SEMA6A: variants seen among roughly 807,000 people sequenced by gnomAD.
The protein encoded by SEMA6A is semaphorin 6A.
In SEMA6A, 25 loss-of-function variants were observed where a neutral mutation model predicts 96.8. That is an observed-to-expected ratio of 0.26 (90% CI 0.19 to 0.36). The LOEUF (loss-of-function observed/expected upper bound fraction) is 0.36, where lower values mean the gene tolerates loss of function less well. Ranked by LOEUF, SEMA6A falls within the 10% of genes least tolerant of loss-of-function variation. The probability of loss-of-function intolerance (pLI) is 1.00; values close to 1 mark genes in which losing one functional copy is unlikely to be tolerated. For synonymous variants in SEMA6A, 612 were observed against 518.0 expected, an observed-to-expected ratio of 1.18 and a Z score of -2.46; for missense variants, 1,363 against 1,323.1, an observed-to-expected ratio of 1.03 and a Z score of -0.47.
intron 18 of SEMA6A, among the ~76,000 whole-genome samples, chr5:116,448,952 T>G (rs1422729395): frequency 6.6e-6 from 1 of 152,150 alleles, no homozygotes; most frequent in Non-Finnish European, 1.5e-5. Context: ...TCAGCAGAGC[T>G]AATCTCTTCA....
Position 116,447,787 on chromosome 5 carries a change from T to G in SEMA6A, c.1919A>C (p.Lys640Thr). ...GACGGGAACCAGCTGGTCGTGGCCT[T>G]TGAGGTAACTTTCCCGAATCACTCC... The part of the protein sequence containing the change: ...KKGVIRESYL[K>T]GHDQLVPVTL... The change falls in exon 19 of 19, where the codon AAA becomes ACA. Residue 640 changes from lysine (K) to threonine (T), a missense_variant. By Grantham distance (78) the Lys-to-Thr change is moderately conservative. Transcript: ENST00000343348. 1.9e-6 allele frequency: 3 copies of G among 1,601,734 alleles called. No homozygotes were observed. Among genetic ancestry groups the G allele is most frequent in the South Asian group, 1.1e-5 (1 of 90,326 alleles).
chr5:116,473,648 C>CTCAGCCTCTAACACTGGCTCTTTG (rs1756289391), intron 16 of SEMA6A, among the ~76,000 whole-genome samples: 1 of 152,210 alleles, frequency 6.6e-6, no homozygotes, highest in Non-Finnish European at 1.5e-5. Flanking sequence ...CTCTGGTTCA[C>CTCAGCCTCTAACACTGGCTCTTTG]TCAGCCTCTA....
chr5:116,497,764 A>C (rs572845397), intron 3 of SEMA6A, among the ~76,000 whole-genome samples: 1 of 152,282 alleles, frequency 6.6e-6, no homozygotes, highest in South Asian at 2.1e-4. Flanking sequence ...ACACGTACCA[A>C]ATACTTGGTA....
chr5:116,505,076 AG>A (rs1317313808), intron 1 of SEMA6A, 94 bp from the exon 2 acceptor site: 17 of 622,938 alleles, frequency 2.7e-5, no homozygotes, highest in African/African-American at 2.4e-4. Context: ...AGAGAAAAAA[AG>A]GCTTCTGCTT....
At chr5:116,563,585 T>C (rs1760904552) in intron 1 of SEMA6A, among the ~76,000 whole-genome samples, 1 of 151,512 alleles carries the variant, frequency 6.6e-6, no homozygotes, top group South Asian at 2.1e-4. Context: ...CCACATTGTA[T>C]TTGACTGACA....
chr5:116,514,429 G>T (rs1318803357), intron 1 of SEMA6A, among the ~76,000 whole-genome samples: 1 of 152,168 alleles, frequency 6.6e-6, no homozygotes, highest in Non-Finnish European at 1.5e-5. Context: ...TCTTTGAGAA[G>T]TGTCTGTTCA....
intron 1 of SEMA6A, among the ~76,000 whole-genome samples, chr5:116,569,920 G>A (rs1337314521): frequency 6.6e-6 from 1 of 152,192 alleles, no homozygotes; most frequent in Non-Finnish European, 1.5e-5. Context: ...TTATTTGTGA[G>A]GTCCAGGAGA....
chr5:116,487,041 TTGA>T, intron 9 of SEMA6A, 75 bp from the exon 10 acceptor site: 1 of 1,040,622 alleles, frequency 9.6e-7, no homozygotes, highest in Non-Finnish European at 1.5e-6. Context: ...TCTGCATTCC[TTGA>T]AAACAGAAAC....
At chr5:116,494,876 A>G (rs1345778419) in intron 6 of SEMA6A, among the ~76,000 whole-genome samples, 1 of 152,180 alleles carries the variant, frequency 6.6e-6, no homozygotes. Context: ...AAAACCAGCT[A>G]GATTTACTAA....
chr5:116,540,681 T>C (rs1045774433), intron 1 of SEMA6A, among the ~76,000 whole-genome samples: 8 of 152,170 alleles, frequency 5.3e-5, no homozygotes, highest in Non-Finnish European at 2.9e-5. Context: ...TAGACTGATG[T>C]TGTGTATATG....
At chr5:116,571,854 C>CGCT (rs889234881) in intron 1 of SEMA6A, among the ~76,000 whole-genome samples, 3 of 152,116 alleles carry the variant, frequency 2.0e-5, no homozygotes, top group Non-Finnish European at 4.4e-5. Flanking sequence ...CAATCTTGAC[C>CGCT]GCTGGTAGCC....
chr5:116,498,510 C>T (rs1036248771), intron 3 of SEMA6A: 7 of 145,604 alleles, frequency 4.8e-5, no homozygotes, highest in African/African-American at 1.8e-4. Context: ...GAATATAAAA[C>T]GAGCGGGAAG....
intron 1 of SEMA6A, among the ~76,000 whole-genome samples, chr5:116,519,116 C>T (rs753549985): frequency 6.6e-6 from 1 of 152,066 alleles, no homozygotes; most frequent in Non-Finnish European, 1.5e-5. Context: ...GGTTGAGTGT[C>T]GTCCAGAATC....
At chr5:116,526,609 A>G (rs966366289) in intron 1 of SEMA6A, among the ~76,000 whole-genome samples, 2 of 152,170 alleles carry the variant, frequency 1.3e-5, no homozygotes, top group African/African-American at 4.8e-5. Context: ...AGAAAGAAAA[A>G]CGCTATAGAT....
At chr5:116,482,304 G>C in intron 11 of SEMA6A, 140 bp downstream of exon 11, 1 of 844,468 alleles carries the variant, frequency 1.2e-6, no homozygotes, top group South Asian at 1.9e-5. Flanking sequence ...GTAACTTTGG[G>C]TTTTGGTTAA....
intron 3 of SEMA6A, chr5:116,498,955 A>C (rs1273453285): frequency 6.6e-6 from 1 of 152,170 alleles, no homozygotes; most frequent in Non-Finnish European, 1.5e-5. Flanking sequence ...TGGCCTGTTT[A>C]TGTTAATTAG....
chr5:116,447,660 A>C lies in SEMA6A; in HGVS notation c.2046T>G (p.Ala682=), dbSNP rs534738537. Residue 682 remains alanine (A), a synonymous_variant, in exon 19 of 19, where the codon GCT becomes GCG. Transcript: ENST00000343348. Reference sequence around the variant, plus strand: ...GCTCCTTCTCCTTGCGCTGCACCACAGCCACGTCTTTGCGCCGATGATCAC... The same window carrying C: ...GCTCCTTCTCCTTGCGCTGCACCACCGCCACGTCTTTGCGCCGATGATCAC... ...CVCDHRRKDV[A]VVQRKEKELT... is the part of the protein sequence containing the mutation. 41 of 1,614,032 alleles carry C rather than the reference A, an allele frequency of 2.5e-5. 2 individuals carry two copies. The highest frequency in any genetic ancestry group is 1.9e-4 in the South Asian group (17 of 91,088).
intron 1 of SEMA6A, among the ~76,000 whole-genome samples, chr5:116,555,883 C>A (rs1760587165): frequency 6.6e-6 from 1 of 152,148 alleles, no homozygotes; most frequent in African/African-American, 2.4e-5. Flanking sequence ...GATCTTTGGG[C>A]CCTCTTTGTT....
At chr5:116,530,202 C>T (rs879450627) in intron 1 of SEMA6A, among the ~76,000 whole-genome samples, 4 of 152,080 alleles carry the variant, frequency 2.6e-5, no homozygotes, top group Non-Finnish European at 5.9e-5. Flanking sequence ...AGAGAAATAT[C>T]TCAGTGTTTA....
Sources: allele counts gnomAD v4.1 joint callset (sites outside exome capture counted in the v4.1 genomes callset), GRCh38; gene constraint gnomAD v4.1.1; transcripts MANE v1.5; gene names NCBI Gene and HGNC (gene_info 2026-07-23, HGNC 2026-07-21).